The following DHX38 variants were observed in gnomAD, a reference collection of about 807,000 sequenced individuals.
DHX38 encodes pre-mRNA-splicing factor ATP-dependent RNA helicase PRP16.
Under a neutral mutation model 153.1 loss-of-function variants are expected in DHX38, and 100 were observed. That is an observed-to-expected ratio of 0.65 (90% CI 0.56 to 0.77). DHX38 has a LOEUF of 0.77. Ranked by LOEUF, DHX38 falls within the 30% of genes least tolerant of loss-of-function variation. DHX38 has a pLI of 0.00. For synonymous variants in DHX38, 650 were observed against 631.7 expected (o/e 1.03, Z -0.43); for missense variants, 1,440 against 1,654.0 (o/e 0.87, Z 2.24).
In DHX38 at chr16:72,112,028, T is replaced by G. The variant is rs915302644; in HGVS notation, c.3600-385T>G. The G allele has an allele frequency of 2.2e-5, 5 of 225,854 alleles. No homozygotes were observed. In the Admixed American group the frequency reaches 2.5e-4, roughly 11 times the overall value. 14.0% of individuals were successfully genotyped at this position (225,854 alleles called of 1,614,324 possible). ...TCAAACGAGGGCTGAGGGGCCCCCA[T>G]GAATAGCAGACACTCCAGTCACTTG... is the stretch of plus-strand genomic sequence containing the variant. On this transcript the variant is annotated intron_variant, in intron 26 of 26. Coordinates refer to ENST00000268482, the MANE Select transcript of DHX38 (RefSeq NM_014003.4).
rs1474373625 is a variant in DHX38 at position 72,094,038 on chromosome 16, T to A, written c.-33T>A. The A allele has an allele frequency of 6.6e-6, 1 of 151,860 alleles. No homozygotes were observed. Among genetic ancestry groups the A allele is most frequent in the Non-Finnish European group, 1.5e-5 (1 of 68,058 alleles). 9.4% of individuals were successfully genotyped at this position (151,860 alleles called of 1,614,324 possible). On this transcript the variant is annotated 5_prime_UTR_variant, in exon 1 of 27. Coordinates refer to ENST00000268482, the MANE Select transcript of DHX38 (RefSeq NM_014003.4). ...ATCCGGGACAGAAGGGTCCCAAGAG[T>A]CGCGCTTGGTGAGGTGAGAGTCCCT... is the stretch of plus-strand genomic sequence containing the variant.
Position 72,105,343 on chromosome 16 carries a change from C to G in DHX38, c.2374C>G (p.Gln792Glu). 2 of 1,614,108 alleles carry G rather than the reference C, an allele frequency of 1.2e-6. No homozygotes were observed. Among genetic ancestry groups the G allele is most frequent in the South Asian group, 2.2e-5 (2 of 91,074 alleles). ...LPSDLQAKIF[Q>E]KAPDGVRKCI... is the part of the protein sequence containing the mutation. ...TTCTGACCTCCAGGCCAAAATCTTC[C>G]AGAAGGTGTGTCAGCAGGAATGTCC... Residue 792 changes from glutamine to glutamate, a missense_variant, in exon 17 of 27, where the codon CAG becomes GAG. Transcript: ENST00000268482.
In DHX38 at chr16:72,104,641, A is replaced by G. The variant is rs780646952; in HGVS notation, c.2151+15A>G. 1.7e-5 allele frequency: 28 copies of G among 1,613,806 alleles called. No homozygotes were observed. The highest frequency in any genetic ancestry group is 6.6e-5 in the South Asian group (6 of 91,072). Reference sequence around the variant, plus strand: ...TCTTCAGCAAGGTATTGAGGCCACCATGTTACGAACTGACCCTTCCATGCC... The same window carrying G: ...TCTTCAGCAAGGTATTGAGGCCACCGTGTTACGAACTGACCCTTCCATGCC... On this transcript the variant is annotated intron_variant, in intron 15 of 26. Coordinates refer to ENST00000268482, the MANE Select transcript of DHX38 (RefSeq NM_014003.4). The surrounding 1 kb of genome is among the most constrained non-coding windows in gnomAD (Gnocchi z 4.5).
chr16:72,105,750 T>TGGG (rs1188495421), intron 18 of DHX38, 126 bp downstream of exon 18: 1 of 922,314 alleles, frequency 1.1e-6, no homozygotes, highest in Admixed American at 2.0e-5. Context: ...GTGGTGGTGG[T>TGGG]GGGAGGCTCA....
At chr16:72,105,211 A>G (rs1567609019) in intron 16 of DHX38, 21 bp from the exon 17 acceptor site, 1 of 1,613,890 alleles carries the variant, frequency 6.2e-7, no homozygotes, top group Admixed American at 1.7e-5. Flanking sequence ...AGTGTCTCAC[A>G]GCTCCTCCCT....
At chr16:72,112,237 C>T (rs1003397499) in intron 26 of DHX38, 176 bp from the exon 27 acceptor site, 10 of 620,756 alleles carry the variant, frequency 1.6e-5, no homozygotes, top group Admixed American at 8.4e-5. Flanking sequence ...TTGATTACAT[C>T]GCCAGTCGAA....
Position 72,108,854 on chromosome 16 carries a change from A to C in DHX38, c.3310A>C (p.Thr1104Pro), listed in dbSNP as rs755633146. 12 of 1,614,058 alleles carry C rather than the reference A, an allele frequency of 7.4e-6. No homozygotes were observed. The South Asian group carries it at 1.3e-4, about 18-fold the overall frequency. The change falls in exon 24 of 27, where the codon ACC (threonine) becomes CCC (proline). Residue 1104 changes from threonine to proline, a missense_variant. Transcript: ENST00000268482. ...RTGMPCHLHP[T>P]SSLFGMGYTP... ...AGGGATGCCCTGCCACTTGCACCCC[A>C]CCAGCTCCCTTTTTGGAATGGGCTA... is the stretch of plus-strand genomic sequence containing the variant.
chr16:72,103,625 T>G lies in DHX38; in HGVS notation c.1661T>G (p.Val554Gly), dbSNP rs374496350. 1 of 1,611,192 alleles carries G rather than the reference T, an allele frequency of 6.2e-7. No homozygotes were observed. Among genetic ancestry groups the G allele is most frequent in the Admixed American group, 1.7e-5 (1 of 59,984 alleles). ...IIRDNSIVIV[V>G]GETGSGKTTQ... The stretch of plus-strand genomic sequence containing the variant: ...AGAGACAACAGCATCGTGATCGTGG[T>G]TGGGGAGACGGGGAGTGGTAAGACC... The change falls in exon 13 of 27, where the codon GTT (valine) becomes GGT (glycine). Residue 554 changes from valine to glycine, a missense_variant. By Grantham distance (109) the Val-to-Gly change is moderately radical (BLOSUM62 -3). Coordinates refer to ENST00000268482, the MANE Select transcript of DHX38 (RefSeq NM_014003.4).
Position 72,105,870 on chromosome 16 carries a change from G to A in DHX38, c.2488-135G>A, listed in dbSNP as rs2042168837. The A allele has an allele frequency of 3.8e-6, 3 of 794,532 alleles. No individual in the cohort carries two copies. The South Asian group carries it at 5.0e-5, about 13-fold the overall frequency. The allele number at this position is 794,532 out of a possible 1,614,324, so 49.2% of individuals were successfully genotyped here. A position where few individuals can be genotyped will look rare whatever the true frequency, so the allele number is the denominator to read the frequency against. On this transcript the variant is annotated intron_variant, in intron 18 of 26. Coordinates refer to ENST00000268482, the MANE Select transcript of DHX38 (RefSeq NM_014003.4). ...GTTTGTGGGGAAGACTTCTTCAGGT[G>A]TTCATGAGAACATTTCTAGAGCCTC...
At chr16:72,105,730 C>T (rs2144162685) in intron 18 of DHX38, 106 bp downstream of exon 18, 2 of 1,132,844 alleles carry the variant, frequency 1.8e-6, no homozygotes, top group South Asian at 1.3e-5. Context: ...GTGGGGAGCG[C>T]GTGGAAGTGG....
Position 72,105,554 on chromosome 16 carries a change from A to G in DHX38, c.2417A>G (p.Asn806Ser), listed in dbSNP as rs1597445967. ...DGVRKCIVAT[N>S]IAETSLTVDG... The stretch of plus-strand genomic sequence containing the variant: ...GTTCGGAAGTGCATCGTTGCCACCA[A>G]TATTGCCGAGACGTCTCTCACTGTT... Residue 806 changes from asparagine (N) to serine (S), a missense_variant, in exon 18 of 27, where the codon AAT becomes AGT. Around this residue, in one of 6 missense-constraint regions of DHX38, gnomAD observed 543 missense variants for 717.9 expected, o/e 0.76. Coordinates refer to ENST00000268482, the MANE Select transcript of DHX38 (RefSeq NM_014003.4). 6.2e-7 allele frequency: 1 copy of G among 1,614,114 alleles called. No homozygotes were observed. The highest frequency in any genetic ancestry group is 2.2e-5 in the East Asian group (1 of 44,874).
intron 18 of DHX38, 141 bp from the exon 19 acceptor site, chr16:72,105,864 T>A: frequency 5.2e-6 from 4 of 762,144 alleles, no homozygotes; most frequent in African/African-American, 1.7e-5. Context: ...GAAGACTTCT[T>A]CAGGTGTTCA....
chr16:72,096,594 T>G (rs955807203), intron 2 of DHX38, 114 bp downstream of exon 2: 1 of 1,464,440 alleles, frequency 6.8e-7, no homozygotes, highest in African/African-American at 1.4e-5. Context: ...ATGATTTTAT[T>G]ATGATTCTGT....
rs867417624 is a variant in DHX38 at position 72,112,718 on chromosome 16, G to A, written c.*221G>A. The A allele has an allele frequency of 3.5e-5, 25 of 708,704 alleles. 1 individual carries two copies. The Middle Eastern group carries it at 2.0e-3, about 58-fold the overall frequency. The allele number at this position is 708,704 out of a possible 1,614,324, so 43.9% of individuals were successfully genotyped here. On this transcript the variant is annotated 3_prime_UTR_variant, in exon 27 of 27. Coordinates refer to ENST00000268482, the MANE Select transcript of DHX38 (RefSeq NM_014003.4). ...GCGGGAGCGGGGCTGCAGAGTATCC[G>A]AGGTGCTGCCGGGGCAGCGGGAGGT...
In DHX38 at chr16:72,105,123, C is replaced by T; in HGVS notation, c.2248C>T (p.Gln750Ter). 6.2e-7 allele frequency: 1 copy of T among 1,614,178 alleles called. No individual in the cohort carries two copies. The highest frequency in any genetic ancestry group is 8.5e-7 in the Non-Finnish European group (1 of 1,180,040). The stretch of plus-strand genomic sequence containing the variant: ...AGACATCCTTATCTTCATGCCTGGC[C>T]AAGAGGACATTGAGGTGCGTGCCTT... ...PGDILIFMPGQEDIEVTSDQI... is the reference protein window; with the variant it reads ...PGDILIFMPG The change falls in exon 16 of 27, where the codon CAA becomes TAA. Residue 750 changes from glutamine to a stop codon, truncating the protein, a stop_gained. Coordinates refer to ENST00000268482, the MANE Select transcript of DHX38 (RefSeq NM_014003.4). LOFTEE classifies it high-confidence loss of function.
intron 3 of DHX38, 117 bp downstream of exon 3, chr16:72,097,126 T>A (rs1443521004): frequency 1.7e-6 from 2 of 1,185,674 alleles, no homozygotes; most frequent in Middle Eastern, 2.9e-4. Flanking sequence ...ATTTGCATGA[T>A]GTCCGCCTGA....
At chr16:72,111,127 G>C in intron 26 of DHX38, 50 bp downstream of exon 26, 2 of 1,507,896 alleles carry the variant, frequency 1.3e-6, no homozygotes, top group Non-Finnish European at 1.8e-6. Flanking sequence ...ATCCCAGGAG[G>C]CTGCCAGAGA....
Position 72,096,832 on chromosome 16 carries a change from T to C in DHX38, c.334T>C (p.Ser112Pro). The C allele has an allele frequency of 6.2e-7, 1 of 1,612,718 alleles. No individual in the cohort carries two copies. Among genetic ancestry groups the C allele is most frequent in the Non-Finnish European group, 8.5e-7 (1 of 1,179,416 alleles). The change falls in exon 3 of 27, where the codon TCT becomes CCT. Residue 112 changes from serine to proline, a missense_variant. Transcript: ENST00000268482. ...QNIRKDRHYR[S>P]ARVETPSHPG... ...CTCTCCCTGTTTCAGACATTATCGG[T>C]CTGCTCGGGTAGAGACTCCATCCCA...
Position 72,096,947 on chromosome 16 carries a change from A to G in DHX38, c.449A>G (p.Glu150Gly). The G allele has an allele frequency of 6.2e-7, 1 of 1,614,090 alleles. No homozygotes were observed. The highest frequency in any genetic ancestry group is 8.5e-7 in the Non-Finnish European group (1 of 1,179,996). Residue 150 changes from glutamate (E) to glycine (G), a missense_variant, in exon 3 of 27, where the codon GAA becomes GGA. Physicochemically the swap from Glu to Gly is moderately conservative, Grantham distance 98. Coordinates refer to ENST00000268482, the MANE Select transcript of DHX38 (RefSeq NM_014003.4). ...REHGVYASSK[E>G]EKDWKKEKSR... is the part of the protein sequence containing the mutation. ...CATGGTGTCTATGCCTCGTCCAAAG[A>G]AGAAAAGGATTGGAAGAAGGAGAAA... is the stretch of plus-strand genomic sequence containing the variant.
Sources: allele counts gnomAD v4.1 joint callset, GRCh38; gene constraint gnomAD v4.1.1; regional missense constraint gnomAD v4.1.1; non-coding constraint Gnocchi (gnomAD v3.1); transcripts MANE v1.5; gene names NCBI Gene and HGNC (gene_info 2026-07-23, HGNC 2026-07-21).